The following NRXN1 variants were observed in gnomAD, a reference collection of about 807,000 sequenced individuals.
NRXN1 encodes neurexin-1.
In NRXN1, 39 loss-of-function variants were observed where a neutral mutation model predicts 150.9. That is an observed-to-expected ratio of 0.26 (90% confidence interval 0.20 to 0.34). NRXN1 has a LOEUF of 0.34. Among genes scored for constraint, NRXN1 ranks in the 10% least tolerant of loss-of-function variants. NRXN1 has a pLI of 1.00. For missense variants in NRXN1, 1,815 were observed against 1,949.9 expected, an observed-to-expected ratio of 0.93 and a Z score of 1.30; for synonymous variants, 924 against 757.0, an observed-to-expected ratio of 1.22 and a Z score of -3.62.
chr2:50,276,662 C>A (rs909559055), intron 17 of NRXN1, among the ~76,000 whole-genome samples: 1 of 152,054 alleles, frequency 6.6e-6, no homozygotes, highest in Admixed American at 6.6e-5. Flanking sequence ...TACTTATTGT[C>A]AAAGGCACTT....
At chr2:50,218,028 T>C (rs1262640873) in intron 18 of NRXN1, among the ~76,000 whole-genome samples, 2 of 151,980 alleles carry the variant, frequency 1.3e-5, no homozygotes, top group Admixed American at 6.6e-5. Context: ...TCCTCTCCCA[T>C]ACATACCTGA....
At chr2:50,637,483 C>G (rs1553914669) in intron 5 of NRXN1, 1 of 152,168 alleles carries the variant, frequency 6.6e-6, no homozygotes, top group Non-Finnish European at 1.5e-5. Flanking sequence ...AGATTAAGTG[C>G]AAACACACAG....
At chr2:50,914,081 T>C (rs905817654) in intron 5 of NRXN1, among the ~76,000 whole-genome samples, 2 of 151,716 alleles carry the variant, frequency 1.3e-5, no homozygotes, top group Admixed American at 6.6e-5. Flanking sequence ...GGCACTGTAG[T>C]ACTGTTGATG....
intron 8 of NRXN1, chr2:50,616,057 C>A (rs1679005571): frequency 6.6e-6 from 1 of 151,828 alleles, no homozygotes; most frequent in Non-Finnish European, 1.5e-5. Context: ...CATATAATGG[C>A]AATTTATTAT....
intron 15 of NRXN1, among the ~76,000 whole-genome samples, chr2:50,479,166 G>C (rs1389454285): frequency 1.3e-5 from 2 of 152,108 alleles, no homozygotes; most frequent in Non-Finnish European, 2.9e-5. Flanking sequence ...AATAACTTTT[G>C]CCAGGTAGAA....
At chr2:50,057,024 C>A (rs72889587) in intron 19 of NRXN1, among the ~76,000 whole-genome samples, 2,536 of 152,236 alleles carry the variant, frequency 0.017, 63 homozygotes, top group African/African-American at 0.058. Context: ...ATTACTACTA[C>A]AGTCTATTGA....
chr2:50,252,265 T>A, intron 17 of NRXN1, among the ~76,000 whole-genome samples: 1 of 139,080 alleles, frequency 7.2e-6, no homozygotes, highest in African/African-American at 2.7e-5. Context: ...TTTCTTTTTT[T>A]TTTTTTTTTT....
intron 18 of NRXN1, among the ~76,000 whole-genome samples, chr2:50,134,596 G>A (rs1472016996): frequency 6.6e-6 from 1 of 152,158 alleles, no homozygotes; most frequent in Non-Finnish European, 1.5e-5. Flanking sequence ...AAAAAAAGCA[G>A]ATTTAGGCAG....
chr2:50,683,631 CA>C (rs745831100), intron 5 of NRXN1, among the ~76,000 whole-genome samples: 13 of 8,532 alleles, frequency 1.5e-3, no homozygotes, highest in South Asian at 9.6e-3. Context: ...GACTCCGTCT[CA>C]AAAAAAAAAA....
chr2:50,905,047 G>A (rs1683478985), intron 5 of NRXN1, among the ~76,000 whole-genome samples: 1 of 152,050 alleles, frequency 6.6e-6, no homozygotes. Context: ...CCCAGGCCAT[G>A]TCCTAATGAA....
chr2:50,594,248 G>A (rs886531564), intron 8 of NRXN1, among the ~76,000 whole-genome samples: 9 of 152,112 alleles, frequency 5.9e-5, no homozygotes, highest in Non-Finnish European at 1.0e-4. Flanking sequence ...ATTCCCATAC[G>A]GAAAATGTAT....
At chr2:50,403,359 A>C (rs1170501249) in intron 17 of NRXN1, among the ~76,000 whole-genome samples, 5 of 152,246 alleles carry the variant, frequency 3.3e-5, no homozygotes, top group South Asian at 2.1e-4. Flanking sequence ...CTTATTAGAA[A>C]TAAGGAATCT....
chr2:50,634,985 T>C (rs750821214), intron 5 of NRXN1, among the ~76,000 whole-genome samples: 2 of 152,102 alleles, frequency 1.3e-5, no homozygotes, highest in Non-Finnish European at 2.9e-5. Context: ...CTCCCAGCTC[T>C]AACCTTCACA....
chr2:50,310,856 T>A (rs2075117593), intron 17 of NRXN1, among the ~76,000 whole-genome samples: 1 of 152,174 alleles, frequency 6.6e-6, no homozygotes, highest in Non-Finnish European at 1.5e-5. Flanking sequence ...TCTTACCTTA[T>A]AAGACTGCAT....
intron 12 of NRXN1, among the ~76,000 whole-genome samples, chr2:50,513,882 T>C (rs984031029): frequency 7.9e-5 from 12 of 152,178 alleles, no homozygotes; most frequent in African/African-American, 2.9e-4. Context: ...GTGCCCCAAG[T>C]GTAAACTCAT....
chr2:50,014,313 C>G (rs1203490950), intron 21 of NRXN1, among the ~76,000 whole-genome samples: 1 of 152,104 alleles, frequency 6.6e-6, no homozygotes, highest in Non-Finnish European at 1.5e-5. Context: ...TTAGCACCCA[C>G]TAAGTGCTTA....
intron 8 of NRXN1, among the ~76,000 whole-genome samples, chr2:50,605,367 A>G (rs576472723): frequency 5.9e-5 from 9 of 151,990 alleles, no homozygotes; most frequent in Non-Finnish European, 1.2e-4. Context: ...GTTGGCACTC[A>G]GTGAGGGCTT....
chr2:50,140,044 T>A (rs1449981630), intron 18 of NRXN1, among the ~76,000 whole-genome samples: 1 of 152,150 alleles, frequency 6.6e-6, no homozygotes, highest in East Asian at 1.9e-4. Context: ...CATTTTTAAA[T>A]GAATTATAAG....
chr2:50,647,788 C>T (rs574219160), intron 5 of NRXN1, among the ~76,000 whole-genome samples: 5 of 151,972 alleles, frequency 3.3e-5, no homozygotes, highest in African/African-American at 1.2e-4. Flanking sequence ...TATGACACAA[C>T]ATTAGGATGG....
Sources: gnomAD v4.1 joint callset for allele counts (sites outside exome capture counted in the v4.1 genomes callset) on GRCh38, gnomAD v4.1.1 for gene constraint, MANE v1.5 for transcripts, NCBI Gene and HGNC (gene_info 2026-07-23, HGNC 2026-07-21) for gene names.